FNDC3B: variants seen among roughly 807,000 people sequenced by gnomAD.
FNDC3B encodes the protein fibronectin type III domain containing 3B.
FNDC3B carries 12 observed loss-of-function variants against 151.5 expected under a neutral mutation model. That is an observed-to-expected ratio of 0.08 (90% CI 0.05 to 0.13). FNDC3B has a LOEUF of 0.13. Ranked by LOEUF, FNDC3B falls within the 10% of genes least tolerant of loss-of-function variation. The probability of loss-of-function intolerance (pLI) is 1.00; values close to 1 mark genes in which losing one functional copy is unlikely to be tolerated. For missense variants in FNDC3B, 1,214 were observed against 1,505.3 expected, an observed-to-expected ratio of 0.81 and a Z score of 3.20; for synonymous variants, 528 against 549.0, an observed-to-expected ratio of 0.96 and a Z score of 0.54.
Position 172,280,252 on chromosome 3 carries a change from C to A in FNDC3B, c.791-5674C>A, listed in dbSNP as rs532800956. ...TCTTAATATTGTTTTCTTTTGTCCC[C>A]ATTCATGCTTATCAGCATTAGTAGG... On this transcript the variant is annotated intron_variant, in intron 6 of 25. Coordinates refer to ENST00000415807, the MANE Select transcript of FNDC3B (RefSeq NM_022763.4). Among the ~76,000 whole-genome samples, 4 of 152,340 alleles carry A rather than the reference C, an allele frequency of 2.6e-5. No individual in the cohort carries two copies. The South Asian group carries it at 8.3e-4, about 32-fold the overall frequency.
chr3:172,270,859 C>T (rs986731968), intron 6 of FNDC3B, among the ~76,000 whole-genome samples: 2 of 152,170 alleles, frequency 1.3e-5, no homozygotes, highest in African/African-American at 4.8e-5. Flanking sequence ...ATACAGAATT[C>T]CATTGCAGTT....
At chr3:172,185,284 C>T (rs979142670) in intron 3 of FNDC3B, among the ~76,000 whole-genome samples, 4 of 152,198 alleles carry the variant, frequency 2.6e-5, no homozygotes, top group Non-Finnish European at 4.4e-5. Flanking sequence ...TAAAAAACAT[C>T]GTGACCCCTT....
At chr3:172,078,798 G>A (rs1397049418) in intron 1 of FNDC3B, among the ~76,000 whole-genome samples, 3 of 152,106 alleles carry the variant, frequency 2.0e-5, no homozygotes, top group African/African-American at 7.2e-5. Context: ...TGGTTTGAGG[G>A]TGCATTCCTC....
intron 22 of FNDC3B, among the ~76,000 whole-genome samples, chr3:172,361,445 T>C (rs1734359669): frequency 6.6e-6 from 1 of 152,190 alleles, no homozygotes; most frequent in African/African-American, 2.4e-5. Flanking sequence ...ATACCCTAAG[T>C]TATCACTCTT....
At chr3:172,272,371 C>T (rs1469965171) in intron 6 of FNDC3B, among the ~76,000 whole-genome samples, 1 of 152,076 alleles carries the variant, frequency 6.6e-6, no homozygotes, top group African/African-American at 2.4e-5. Flanking sequence ...CCAGAAACTG[C>T]CCTAAGATTA....
At chr3:172,387,184 T>C (rs1344168414) in intron 25 of FNDC3B, among the ~76,000 whole-genome samples, 2 of 152,192 alleles carry the variant, frequency 1.3e-5, no homozygotes. Context: ...CTTGAACTGC[T>C]GACCTCAAGT....
intron 4 of FNDC3B, among the ~76,000 whole-genome samples, chr3:172,239,903 C>G (rs1727406200): frequency 1.1e-5 from 1 of 93,976 alleles, no homozygotes; most frequent in East Asian, 3.6e-4. Flanking sequence ...GAGTCTTACT[C>G]TGTCACCCAG....
chr3:172,244,573 C>A (rs1727672252), intron 4 of FNDC3B, among the ~76,000 whole-genome samples: 1 of 144,740 alleles, frequency 6.9e-6, no homozygotes. Context: ...TAAAAATATT[C>A]ACATATTTTT....
At chr3:172,289,671 T>C (rs1343202561) in intron 7 of FNDC3B, among the ~76,000 whole-genome samples, 1 of 152,218 alleles carries the variant, frequency 6.6e-6, no homozygotes, top group African/African-American at 2.4e-5. Flanking sequence ...GACCCCTTAA[T>C]AGATCTTTGC....
At chr3:172,330,765 T>C in intron 13 of FNDC3B, 50 bp downstream of exon 13, 1 of 1,425,030 alleles carries the variant, frequency 7.0e-7, no homozygotes, top group South Asian at 1.2e-5. Flanking sequence ...GAGTCAGTAT[T>C]ATTATAGCTA....
At chr3:172,186,877 G>C in intron 3 of FNDC3B, 1 of 579,156 alleles carries the variant, frequency 1.7e-6, no homozygotes, top group East Asian at 3.0e-5. Flanking sequence ...GTGGCCCACA[G>C]TCAGTTCTGT....
At chr3:172,140,628 C>G (rs1029975310) in intron 3 of FNDC3B, among the ~76,000 whole-genome samples, 3 of 152,104 alleles carry the variant, frequency 2.0e-5, no homozygotes. Context: ...ACTGACGGGC[C>G]CAGAGCAGAA....
At chr3:172,331,862 A>G (rs1335873966) in intron 13 of FNDC3B, among the ~76,000 whole-genome samples, 1 of 152,200 alleles carries the variant, frequency 6.6e-6, no homozygotes, top group Non-Finnish European at 1.5e-5. Context: ...AACTTTCTGC[A>G]GTGATGGAAA....
At chr3:172,216,573 T>A (rs1725985605) in intron 3 of FNDC3B, among the ~76,000 whole-genome samples, 1 of 152,144 alleles carries the variant, frequency 6.6e-6, no homozygotes, top group South Asian at 2.1e-4. Context: ...CTACTCAGGC[T>A]GTGGTGAGAG....
At chr3:172,334,869 A>G (rs370853543) in intron 14 of FNDC3B, 75 bp from the exon 15 acceptor site, 188 of 1,422,858 alleles carry the variant, frequency 1.3e-4, no homozygotes, top group South Asian at 4.4e-4. Context: ...TAATCTCACC[A>G]TGTTAAAAAG....
intron 7 of FNDC3B, among the ~76,000 whole-genome samples, chr3:172,289,922 G>A (rs984487782): frequency 3.3e-5 from 5 of 152,226 alleles, no homozygotes; most frequent in Non-Finnish European, 7.3e-5. Flanking sequence ...GGTAGGATAA[G>A]AAATACTACC....
At chr3:172,304,508 G>A (rs9857882) in intron 9 of FNDC3B, among the ~76,000 whole-genome samples, 38,177 of 152,150 alleles carry the variant, frequency 0.25, 5,141 homozygotes, top group South Asian at 0.44. Flanking sequence ...GGAGACAGTA[G>A]GAATGATGGG....
intron 5 of FNDC3B, among the ~76,000 whole-genome samples, chr3:172,249,471 G>A (rs1043192663): frequency 6.6e-6 from 1 of 152,128 alleles, no homozygotes. Context: ...TCAAATTAAA[G>A]CAGTAAAACA....
chr3:172,064,941 T>C (rs913702007), intron 1 of FNDC3B, among the ~76,000 whole-genome samples: 6 of 152,226 alleles, frequency 3.9e-5, no homozygotes, highest in African/African-American at 4.8e-5. Context: ...TGGGTCCCCA[T>C]TGATCCTGAG....
Sources: allele counts gnomAD v4.1 joint callset (sites outside exome capture counted in the v4.1 genomes callset), GRCh38; gene constraint gnomAD v4.1.1; transcripts MANE v1.5; gene names NCBI Gene and HGNC (gene_info 2026-07-23, HGNC 2026-07-21).